Variants in FAM13A observed in about 807,000 individuals in gnomAD.
FAM13A encodes protein FAM13A.
Under a neutral mutation model 129.6 loss-of-function variants are expected in FAM13A, and 76 were observed. The observed-to-expected ratio is 0.59, with a 90% CI of 0.49 to 0.71. The LOEUF (loss-of-function observed/expected upper bound fraction) is 0.71. Among genes scored for constraint, FAM13A ranks in the 30% least tolerant of loss-of-function variants. The probability of loss-of-function intolerance (pLI) is 0.00; values close to 1 mark genes in which losing one functional copy is unlikely to be tolerated. For synonymous variants in FAM13A, 443 were observed against 449.9 expected (o/e 0.98, Z 0.20); for missense variants, 1,108 against 1,249.3 (o/e 0.89, Z 1.70).
chr4:88,790,503 G>A lies in FAM13A; in HGVS notation c.1091+83C>T, dbSNP rs532591942. On this transcript the variant is annotated intron_variant, in intron 9 of 23. Transcript: ENST00000264344. ...TCCAATACTGTACACCATTAGAGTT[G>A]CTTTTTTTTTCTGTTTAATAAGTGG... 51 of 1,132,968 alleles carry A rather than the reference G, an allele frequency of 4.5e-5. No homozygotes were observed. The Middle Eastern group carries it at 6.1e-4, about 14-fold the overall frequency. 70.2% of individuals were successfully genotyped at this position (1,132,968 alleles called of 1,614,324 possible).
chr4:88,760,869 C>T (rs1744693740), intron 13 of FAM13A, among the ~76,000 whole-genome samples: 1 of 151,710 alleles, frequency 6.6e-6, no homozygotes, highest in Non-Finnish European at 1.5e-5. Context: ...CGGGGGGAAG[C>T]AAAAGAGAGT....
At chr4:88,977,136 TAAC>T (rs1761026462) in intron 4 of FAM13A, among the ~76,000 whole-genome samples, 1 of 152,164 alleles carries the variant, frequency 6.6e-6, no homozygotes, top group Admixed American at 6.6e-5. Flanking sequence ...AGTAAGAGGT[TAAC>T]AACAATAACT....
chr4:88,869,306 G>A (rs1740965893), intron 6 of FAM13A, among the ~76,000 whole-genome samples: 1 of 152,156 alleles, frequency 6.6e-6, no homozygotes, highest in Admixed American at 6.5e-5. Context: ...TTTAAAACTT[G>A]TCAATGGTTT....
At chr4:88,919,776 G>C (rs1319908213) in intron 5 of FAM13A, among the ~76,000 whole-genome samples, 1 of 152,250 alleles carries the variant, frequency 6.6e-6, no homozygotes, top group Non-Finnish European at 1.5e-5. Flanking sequence ...CAAAGGGTCA[G>C]GGAGTTCCCT....
chr4:88,781,860 G>A (rs1346727285), intron 10 of FAM13A, among the ~76,000 whole-genome samples: 5 of 149,524 alleles, frequency 3.3e-5, no homozygotes, highest in Non-Finnish European at 7.4e-5. Context: ...GGAGCGGGGA[G>A]GGATAGCATT....
In FAM13A at chr4:88,809,601, T is replaced by C. The variant is rs76629447; in HGVS notation, c.1008-4549A>G. On this transcript the variant is annotated intron_variant, in intron 7 of 23. Transcript: ENST00000264344. ...ATAAAGTAAACATTTTTTCAGGAAC[T>C]CAGGCATTTTCCACATGTGCTACAA... is the stretch of plus-strand genomic sequence containing the variant. Among the ~76,000 whole-genome samples the C allele has an allele frequency of 7.1e-3, 1,083 of 152,208 alleles. 9 individuals carry two copies. Among genetic ancestry groups the C allele is most frequent in the African/African-American group, 0.025 (1,047 of 41,552 alleles).
chr4:88,818,813 T>A (rs1731319937), intron 7 of FAM13A, among the ~76,000 whole-genome samples: 1 of 152,148 alleles, frequency 6.6e-6, no homozygotes, highest in South Asian at 2.1e-4. Context: ...GACTTCTAGA[T>A]AAATTAACTG....
At chr4:89,039,136 A>C (rs1769775820) in intron 1 of FAM13A, among the ~76,000 whole-genome samples, 1 of 152,196 alleles carries the variant, frequency 6.6e-6, no homozygotes, top group African/African-American at 2.4e-5. Context: ...TAAATACAAA[A>C]GCTAGAAGAA....
At chr4:88,875,769 G>A (rs1742310614) in intron 6 of FAM13A, among the ~76,000 whole-genome samples, 2 of 152,128 alleles carry the variant, frequency 1.3e-5, no homozygotes, top group Non-Finnish European at 2.9e-5. Context: ...AATACCATTC[G>A]ACCCCGTGAT....
At chr4:89,049,126 AG>A (rs1400105737) in intron 1 of FAM13A, among the ~76,000 whole-genome samples, 1 of 152,154 alleles carries the variant, frequency 6.6e-6, no homozygotes, top group African/African-American at 2.4e-5. Flanking sequence ...GGCTGGGTGC[AG>A]TGGCTCATGC....
At chr4:88,973,837 G>C (rs1268296886) in intron 4 of FAM13A, among the ~76,000 whole-genome samples, 2 of 152,106 alleles carry the variant, frequency 1.3e-5, no homozygotes, top group Non-Finnish European at 2.9e-5. Flanking sequence ...CTTTTAGTGA[G>C]CCTGTGCCCC....
chr4:88,757,421 ACT>A (rs1427335658), intron 14 of FAM13A, among the ~76,000 whole-genome samples: 1 of 152,118 alleles, frequency 6.6e-6, no homozygotes, highest in Non-Finnish European at 1.5e-5. Flanking sequence ...GGTAACAGTG[ACT>A]ACTATGGGAC....
intron 3 of FAM13A, among the ~76,000 whole-genome samples, chr4:89,013,324 C>T (rs1765984931): frequency 1.5e-5 from 2 of 135,084 alleles, no homozygotes; most frequent in African/African-American, 5.4e-5. Context: ...ACATATAACA[C>T]AGTATATATA....
At chr4:88,881,197 AC>A (rs1268849088) in intron 6 of FAM13A, among the ~76,000 whole-genome samples, 2 of 152,200 alleles carry the variant, frequency 1.3e-5, no homozygotes, top group Non-Finnish European at 2.9e-5. Flanking sequence ...AAACAAAACT[AC>A]AACTAAGGAC....
At chr4:88,990,833 C>T (rs1263097320) in intron 4 of FAM13A, 140 bp downstream of exon 4, 5 of 583,574 alleles carry the variant, frequency 8.6e-6, no homozygotes, top group Non-Finnish European at 1.5e-5. Flanking sequence ...CTAACATGCC[C>T]AAGAACAAGA....
intron 5 of FAM13A, among the ~76,000 whole-genome samples, chr4:88,921,069 G>T (rs1192919471): frequency 6.6e-6 from 1 of 152,152 alleles, no homozygotes. Flanking sequence ...CCAAATCTAC[G>T]TCTGATTGGT....
intron 4 of FAM13A, among the ~76,000 whole-genome samples, chr4:88,962,245 T>C (rs537039239): frequency 2.0e-5 from 3 of 152,158 alleles, no homozygotes; most frequent in African/African-American, 7.2e-5. Flanking sequence ...GTTATCACAT[T>C]AGTAGAGACA....
intron 6 of FAM13A, among the ~76,000 whole-genome samples, chr4:88,883,247 T>G (rs568265535): frequency 6.6e-6 from 1 of 152,062 alleles, no homozygotes; most frequent in South Asian, 2.1e-4. Context: ...TTCTCCAAGA[T>G]AGACCACACG....
intron 6 of FAM13A, among the ~76,000 whole-genome samples, chr4:88,876,522 T>A (rs1268635701): frequency 6.6e-6 from 1 of 152,178 alleles, no homozygotes; most frequent in Admixed American, 6.5e-5. Flanking sequence ...TTGGTCATTC[T>A]GTTCTAAAAT....
Sources: gnomAD v4.1 joint callset for allele counts (sites outside exome capture counted in the v4.1 genomes callset) on GRCh38, gnomAD v4.1.1 for gene constraint, MANE v1.5 for transcripts, NCBI Gene and HGNC (gene_info 2026-07-23, HGNC 2026-07-21) for gene names.